The following RNF213 variants were observed in gnomAD, a reference collection of about 807,000 sequenced individuals.
The protein encoded by RNF213 is E3 ubiquitin-protein ligase RNF213.
In RNF213, 341 loss-of-function variants were observed where a neutral mutation model predicts 514.4. The observed-to-expected ratio is 0.66, with a 90% CI of 0.61 to 0.73. The LOEUF (loss-of-function observed/expected upper bound fraction) is 0.73. Among genes scored for constraint, RNF213 ranks in the 30% least tolerant of loss-of-function variants. RNF213 has a pLI of 0.00. For missense variants in RNF213, 5,767 were observed against 6,615.6 expected (o/e 0.87, Z 4.45); for synonymous variants, 2,655 against 2,658.2 (o/e 1.00, Z 0.04).
chr17:80,374,182 G>A (rs1369055562), intron 49 of RNF213, among the ~76,000 whole-genome samples: 1 of 152,212 alleles, frequency 6.6e-6, no homozygotes, highest in African/African-American at 2.4e-5. Context: ...GGCCTCAGGT[G>A]TGGTGCGGTG....
intron 3 of RNF213, chr17:80,278,865 AG>A: frequency 6.5e-7 from 1 of 1,537,250 alleles, no homozygotes; most frequent in South Asian, 1.2e-5. Context: ...AGCAGGATGC[AG>A]CCCCGCTTGA....
At chr17:80,282,254 G>T (rs10871507) in intron 3 of RNF213, among the ~76,000 whole-genome samples, 62,715 of 151,486 alleles carry the variant, frequency 0.41, 13,259 homozygotes, top group East Asian at 0.49. Flanking sequence ...GTGCGGTGTT[G>T]CTCTTTGTGT....
Position 80,343,022 on chromosome 17 carries a change from G to A in RNF213, c.5990-110G>A, listed in dbSNP as rs2078205524. On this transcript the variant is annotated intron_variant, in intron 26 of 67. Transcript: ENST00000582970. This position sits in a 1 kb window ranked among gnomAD's most constrained non-coding sequence, Gnocchi z 4.3. The stretch of plus-strand genomic sequence containing the variant: ...GGGATTTCACCACGTTGACCAGGCT[G>A]GCTTTGAACTCCTGACCTCAAGTGA... 1.2e-6 allele frequency: 1 copy of A among 859,396 alleles called. No individual in the cohort carries two copies. The highest frequency in any genetic ancestry group is 1.9e-6 in the Non-Finnish European group (1 of 516,966). The allele number at this position is 859,396 out of a possible 1,614,324, so 53.2% of individuals were successfully genotyped here.
chr17:80,334,391 A>G lies in RNF213; in HGVS notation c.4309+121A>G, dbSNP rs886794096. ...TGGCCAAGGACTACGTAAAGGGCAG[A>G]AAGACGTTGCCTGCATGCTTTAGGG... On this transcript the variant is annotated intron_variant, in intron 22 of 67. Coordinates refer to ENST00000582970, the MANE Select transcript of RNF213 (RefSeq NM_001256071.3). 3.7e-6 allele frequency: 4 copies of G among 1,077,698 alleles called. No individual in the cohort carries two copies. In the African/African-American group the frequency reaches 4.8e-5, roughly 13 times the overall value. The allele number at this position is 1,077,698 out of a possible 1,614,324, so 66.8% of individuals were successfully genotyped here. A position where few individuals can be genotyped will look rare whatever the true frequency, so the allele number is the denominator to read the frequency against.
At chr17:80,391,853 C>T (rs2080488323) in intron 67 of RNF213, among the ~76,000 whole-genome samples, 2 of 146,952 alleles carry the variant, frequency 1.4e-5, no homozygotes. Context: ...TCACTGCAAC[C>T]TCTGCCTCCT....
At position 80,289,857 on chromosome 17, in the gene RNF213, G is replaced by A. The variant is rs556619158; in HGVS notation, c.1112+20G>A. ...GGCAAGGTAGGGATGCCCCCGCAGG[G>A]GAGCAAAGGAGACCCTGCCTGAGAG... On this transcript the variant is annotated intron_variant, in intron 6 of 67. Transcript: ENST00000582970. The A allele has an allele frequency of 5.6e-6, 9 of 1,597,164 alleles. No individual in the cohort carries two copies. Among genetic ancestry groups the A allele is most frequent in the South Asian group, 2.2e-5 (2 of 89,068 alleles).
chr17:80,332,363 A>T lies in RNF213; in HGVS notation c.3875A>T (p.Asp1292Val). The T allele has an allele frequency of 3.3e-6, 5 of 1,537,168 alleles. No homozygotes were observed. The highest frequency in any genetic ancestry group is 4.4e-6 in the Non-Finnish European group (5 of 1,146,914). The change falls in exon 21 of 68, where the codon GAT (aspartate) becomes GTT (valine). Residue 1292 changes from aspartate to valine, a missense_variant. By Grantham distance (152) the Asp-to-Val change is radical (BLOSUM62 -3). Around this residue, in one of 13 missense-constraint regions of RNF213, gnomAD observed 516 missense variants for 566.5 expected, o/e 0.91. Coordinates refer to ENST00000582970, the MANE Select transcript of RNF213 (RefSeq NM_001256071.3). ...SYRKFIKLHQ[D>V]LKSGEVTLAE... The stretch of plus-strand genomic sequence containing the variant: ...AGAAAGTTCATTAAGTTGCACCAGG[A>T]TCTAAAGTCAGGAGAGGTCACCCTT...
chr17:80,312,688 T>C (rs1027639462), intron 14 of RNF213, among the ~76,000 whole-genome samples: 3 of 152,160 alleles, frequency 2.0e-5, no homozygotes, highest in Admixed American at 2.0e-4. Flanking sequence ...GGCGTGCTTT[T>C]CCCCCTCAGT....
intron 63 of RNF213, among the ~76,000 whole-genome samples, chr17:80,387,541 C>G (rs778804563): frequency 1.5e-4 from 23 of 152,202 alleles, no homozygotes; most frequent in Non-Finnish European, 2.4e-4. Flanking sequence ...ACTGCCAAAG[C>G]CCACCCTGTA....
At chr17:80,328,287 T>C in intron 19 of RNF213, 41 bp from the exon 20 acceptor site, 1 of 1,508,394 alleles carries the variant, frequency 6.6e-7, no homozygotes, top group African/African-American at 1.4e-5. Flanking sequence ...ATGGCATTTG[T>C]TGCTGTATTG....
intron 50 of RNF213, 152 bp downstream of exon 50, chr17:80,374,741 A>G: frequency 1.1e-6 from 1 of 880,440 alleles, no homozygotes; most frequent in Non-Finnish European, 1.8e-6. Flanking sequence ...CACAGCCTCC[A>G]GGGCGCACCT....
intron 11 of RNF213, among the ~76,000 whole-genome samples, chr17:80,304,701 C>T (rs776174312): frequency 1.3e-5 from 2 of 151,832 alleles, no homozygotes; most frequent in African/African-American, 2.4e-5. Context: ...TGGGGTATAT[C>T]CCTTTTATTG....
At chr17:80,371,197 T>C (rs2079504373) in intron 46 of RNF213, among the ~76,000 whole-genome samples, 1 of 152,258 alleles carries the variant, frequency 6.6e-6, no homozygotes, top group South Asian at 2.1e-4. Context: ...AAAAATGCAC[T>C]GATACAGTTT....
chr17:80,377,885 CTCGGCCTTCCAGGAGAGCACAG>C lies in RNF213; in HGVS notation c.13545+90_13545+111del. ...GATCGTGGGTCAGGAGAGTGAGGCT[CTCGGCCTTCCAGGAGAGCACAG>C]GCTCACCGAGGACTGCCCAGGGTGC... On this transcript the variant is annotated intron_variant, in intron 54 of 67. Transcript: ENST00000582970. The surrounding 1 kb of genome is among the most constrained non-coding windows in gnomAD (Gnocchi z 4.1). 6.8e-7 allele frequency: 1 copy of C among 1,462,122 alleles called. No individual in the cohort carries two copies. Among genetic ancestry groups the C allele is most frequent in the Non-Finnish European group, 9.6e-7 (1 of 1,042,514 alleles). The allele number at this position is 1,462,122 out of a possible 1,614,324, so 90.6% of individuals were successfully genotyped here. A position where few individuals can be genotyped will look rare whatever the true frequency, so the allele number is the denominator to read the frequency against.
rs765977355 is a variant in RNF213, at chr17:80,347,713, G to A, written c.9378G>A (p.Gln3126=). The change falls in exon 29 of 68, where the codon CAG becomes CAA. Residue 3126 remains glutamine (Q), a synonymous_variant. Coordinates refer to ENST00000582970, the MANE Select transcript of RNF213 (RefSeq NM_001256071.3). The surrounding 1 kb of genome is among the most constrained non-coding windows in gnomAD (Gnocchi z 7.2). ...LNQYYVHLGG[Q]KYVDLGLGTH... ...AGTACTACGTCCACCTCGGCGGCCA[G>A]AAGTACGTGGACCTCGGTCTGGGGA... The A allele has an allele frequency of 6.2e-7, 1 of 1,614,012 alleles. No homozygotes were observed. Among genetic ancestry groups the A allele is most frequent in the East Asian group, 2.2e-5 (1 of 44,882 alleles).
intron 58 of RNF213, 60 bp downstream of exon 58, chr17:80,383,130 G>A (rs1599198959): frequency 2.3e-5 from 28 of 1,212,984 alleles, no homozygotes; most frequent in Middle Eastern, 2.2e-4. Context: ...GGGTCCCGGC[G>A]TCTGCTGAAT....
At position 80,334,235 on chromosome 17, in the gene RNF213, A is replaced by G. The variant is rs2077918966; in HGVS notation, c.4274A>G (p.Lys1425Arg). 2.0e-6 allele frequency: 3 copies of G among 1,537,138 alleles called. No individual in the cohort carries two copies. The East Asian group carries it at 7.3e-5, about 38-fold the overall frequency. Reference sequence around the variant, plus strand: ...GGGCTGCAGGCTCTGTCCCTGAGAAAGGAGTTCATCTGCTGGGTCCGGGAG... The same window carrying G: ...GGGCTGCAGGCTCTGTCCCTGAGAAGGGAGTTCATCTGCTGGGTCCGGGAG... ...CKGLQALSLR[K>R]EFICWVREAL... The change falls in exon 22 of 68, where the codon AAG becomes AGG. Residue 1425 changes from lysine (K) to arginine (R), a missense_variant. Transcript: ENST00000582970.
rs756289206 is a variant in RNF213, at chr17:80,306,351, G to A, written c.2310G>A (p.Leu770=). The change falls in exon 12 of 68, where the codon CTG becomes CTA. Residue 770 remains leucine, a synonymous_variant. Transcript: ENST00000582970. Reference sequence around the variant, plus strand: ...TTAGTCTGCTACCTCTGAGTCACCTGGTTATGTATATGGAAAACTTCATTG... The same window carrying A: ...TTAGTCTGCTACCTCTGAGTCACCTAGTTATGTATATGGAAAACTTCATTG... ...SWFSLLPLSH[L]VMYMENFIEH... 1.2e-5 allele frequency: 20 copies of A among 1,614,126 alleles called. No homozygotes were observed. The highest frequency in any genetic ancestry group is 1.7e-5 in the Non-Finnish European group (20 of 1,180,028).
intron 1 of RNF213, among the ~76,000 whole-genome samples, chr17:80,262,794 T>C (rs1039586255): frequency 1.1e-4 from 17 of 152,032 alleles, no homozygotes; most frequent in Non-Finnish European, 2.1e-4. Flanking sequence ...CCAGCCTGAG[T>C]GAGCCCACCC....
Sources: gnomAD v4.1 joint callset for allele counts (sites outside exome capture counted in the v4.1 genomes callset) on GRCh38, gnomAD v4.1.1 for gene constraint, gnomAD v4.1.1 regional missense constraint, Gnocchi (gnomAD v3.1) non-coding constraint, MANE v1.5 for transcripts, NCBI Gene and HGNC (gene_info 2026-07-23, HGNC 2026-07-21) for gene names.